Variants in BLVRB observed in about 807,000 individuals in gnomAD.
The protein encoded by BLVRB is flavin reductase (NADPH).
A neutral mutation model predicts 21.1 loss-of-function variants in BLVRB; 25 were observed. The ratio of observed to expected loss-of-function variants is 1.19; its 90% CI spans 0.86 to 1.66. The LOEUF (loss-of-function observed/expected upper bound fraction) is 1.66. Ranked by LOEUF, BLVRB falls within the 40% of genes most tolerant of loss-of-function variation. The pLI is 0.00. For synonymous variants in BLVRB, 128 were observed against 122.2 expected, an observed-to-expected ratio of 1.05 and a Z score of -0.31; for missense variants, 274 against 282.7, an observed-to-expected ratio of 0.97 and a Z score of 0.22.
At chr19:40,460,056 C>T (rs1274558643) in intron 1 of BLVRB, among the ~76,000 whole-genome samples, 1 of 151,998 alleles carries the variant, frequency 6.6e-6, no homozygotes, top group Non-Finnish European at 1.5e-5. Context: ...GCCCAGCCCT[C>T]CTTTAGTGGT....
chr19:40,452,833 C>G (rs2079745900), intron 3 of BLVRB, among the ~76,000 whole-genome samples: 2 of 151,826 alleles, frequency 1.3e-5, no homozygotes, highest in South Asian at 4.2e-4. Flanking sequence ...CCACGGCACT[C>G]CAGCTTGGGA....
intron 1 of BLVRB, among the ~76,000 whole-genome samples, chr19:40,463,844 C>G (rs941578435): frequency 6.0e-5 from 9 of 151,074 alleles, no homozygotes; most frequent in Non-Finnish European, 1.3e-4. Context: ...CTCGGCTCAC[C>G]ACAACCTCTG....
At chr19:40,459,922 G>C (rs1467479454) in intron 1 of BLVRB, among the ~76,000 whole-genome samples, 3 of 152,108 alleles carry the variant, frequency 2.0e-5, no homozygotes, top group Non-Finnish European at 2.9e-5. Context: ...GCATTGCACT[G>C]GTCTCTGTCT....
At chr19:40,460,621 T>C (rs930817410) in intron 1 of BLVRB, among the ~76,000 whole-genome samples, 3 of 150,766 alleles carry the variant, frequency 2.0e-5, no homozygotes, top group African/African-American at 7.3e-5. Context: ...ATAAATTAAA[T>C]TAAATTAAAT....
At position 40,465,245 on chromosome 19, in the gene BLVRB, A is replaced by T. The variant is rs570813691; in HGVS notation, c.79+365T>A. 6.6e-5 allele frequency among the ~76,000 whole-genome samples: 10 copies of T among 152,292 alleles called. No homozygotes were observed. The East Asian group carries it at 1.9e-3, about 29-fold the overall frequency. On this transcript the variant is annotated intron_variant, in intron 1 of 4. Coordinates refer to ENST00000263368, the MANE Select transcript of BLVRB (RefSeq NM_000713.3). ...TTCCCACCCCATTTTGAAAGCTCTCATGTGAAGAGACGACAGAGCAAGCTT... is the reference window on the plus strand; with the variant it reads ...TTCCCACCCCATTTTGAAAGCTCTCTTGTGAAGAGACGACAGAGCAAGCTT...
chr19:40,464,801 C>T (rs1175999448), intron 1 of BLVRB, among the ~76,000 whole-genome samples: 6 of 152,114 alleles, frequency 3.9e-5, no homozygotes, highest in African/African-American at 9.7e-5. Flanking sequence ...TTTTGGGGCA[C>T]GCAGATAGTC....
chr19:40,464,648 G>C (rs970051044), intron 1 of BLVRB, among the ~76,000 whole-genome samples: 1 of 152,154 alleles, frequency 6.6e-6, no homozygotes, highest in East Asian at 1.9e-4. Flanking sequence ...GGTTTTTACT[G>C]AGAGGCCCAC....
At chr19:40,455,296 C>G (rs1364709808) in intron 3 of BLVRB, among the ~76,000 whole-genome samples, 1 of 152,214 alleles carries the variant, frequency 6.6e-6, no homozygotes, top group African/African-American at 2.4e-5. Context: ...AGATTAAACT[C>G]TAATAATTAG....
At chr19:40,463,216 G>C (rs1395092370) in intron 1 of BLVRB, among the ~76,000 whole-genome samples, 1 of 152,202 alleles carries the variant, frequency 6.6e-6, no homozygotes, top group Non-Finnish European at 1.5e-5. Flanking sequence ...GGATCACACA[G>C]CTAGTAGGTA....
At chr19:40,462,816 C>T (rs1204572287) in intron 1 of BLVRB, among the ~76,000 whole-genome samples, 1 of 136,634 alleles carries the variant, frequency 7.3e-6, no homozygotes, top group African/African-American at 2.8e-5. Flanking sequence ...TGGCTGAACT[C>T]GGGAGGCGGA....
In BLVRB at chr19:40,448,061, C is replaced by T. The variant is rs752912171; in HGVS notation, c.464-15G>A. On this transcript the variant is annotated splice_polypyrimidine_tract_variant and intron_variant, in intron 4 of 4. Transcript: ENST00000263368. ...TGGCTGGTCTCCTATGAAGTAAAGA[C>T]AAGAGGGGCTGGATAAAGCAGACAC... The T allele has an allele frequency of 1.9e-6, 3 of 1,606,294 alleles. No individual in the cohort carries two copies. The highest frequency in any genetic ancestry group is 4.5e-5 in the East Asian group (2 of 44,630).
At chr19:40,449,245 A>G (rs1334128943) in intron 4 of BLVRB, among the ~76,000 whole-genome samples, 1 of 151,732 alleles carries the variant, frequency 6.6e-6, no homozygotes. Context: ...GAGTGGGTTG[A>G]ATTTTTTTTT....
At chr19:40,453,406 T>C (rs2079749340) in intron 3 of BLVRB, among the ~76,000 whole-genome samples, 1 of 152,200 alleles carries the variant, frequency 6.6e-6, no homozygotes, top group African/African-American at 2.4e-5. Flanking sequence ...ACGCTAGAGT[T>C]ATCCTGTGAC....
rs778733922 is a variant in BLVRB at position 40,458,225 on chromosome 19, G to A, written c.264C>T (p.Ser88=). The A allele has an allele frequency of 4.3e-5, 70 of 1,613,602 alleles. No individual in the cohort carries two copies. In the Middle Eastern group the frequency reaches 5.0e-4, roughly 11 times the overall value. The change falls in exon 3 of 5, where the codon TCC becomes TCT. Residue 88 remains serine, a synonymous_variant. Transcript: ENST00000263368. ...CTGCCACAATGTTCCGGGCGCCCTC[G>A]GACATCACTGTCGTGGGACCTTAGA... ...RNDLSPTTVM[S]EGARNIVAAM... is the part of the protein sequence containing the mutation.
At chr19:40,452,811 G>A (rs1165364812) in intron 3 of BLVRB, among the ~76,000 whole-genome samples, 2 of 151,974 alleles carry the variant, frequency 1.3e-5, no homozygotes, top group African/African-American at 2.4e-5. Flanking sequence ...GTTGCAGTGA[G>A]CTGAGATCGC....
intron 3 of BLVRB, among the ~76,000 whole-genome samples, chr19:40,455,603 C>T (rs1326267039): frequency 6.6e-6 from 1 of 152,184 alleles, no homozygotes; most frequent in Non-Finnish European, 1.5e-5. Flanking sequence ...GAGGCTGAGG[C>T]AGGAGAATCC....
intron 3 of BLVRB, among the ~76,000 whole-genome samples, chr19:40,452,068 C>A (rs1396666772): frequency 6.6e-6 from 1 of 152,188 alleles, no homozygotes; most frequent in Admixed American, 6.6e-5. Flanking sequence ...CTCAGCCCCT[C>A]CTTCCCTCCT....
intron 3 of BLVRB, among the ~76,000 whole-genome samples, chr19:40,454,840 C>T (rs532563186): frequency 5.7e-4 from 84 of 148,418 alleles, no homozygotes; most frequent in Admixed American, 8.7e-4. Flanking sequence ...CCACAGCACC[C>T]GGCTGTTTTG....
chr19:40,456,631 AATCTC>A (rs1182583791), intron 3 of BLVRB, among the ~76,000 whole-genome samples: 1 of 152,160 alleles, frequency 6.6e-6, no homozygotes, highest in African/African-American at 2.4e-5. Flanking sequence ...TTATACCTGT[AATCTC>A]AGCACTTTGG....
Sources: allele counts gnomAD v4.1 joint callset (sites outside exome capture counted in the v4.1 genomes callset), GRCh38; gene constraint gnomAD v4.1.1; transcripts MANE v1.5; gene names NCBI Gene and HGNC (gene_info 2026-07-23, HGNC 2026-07-21).